PLCE1: variants seen among roughly 807,000 people sequenced by gnomAD.
The protein encoded by PLCE1 is phospholipase C epsilon 1.
PLCE1 carries 119 observed loss-of-function variants against 242.8 expected under a neutral mutation model. That is an observed-to-expected ratio of 0.49 (90% CI 0.42 to 0.57). The LOEUF (loss-of-function observed/expected upper bound fraction) is 0.57, where lower values mean the gene tolerates loss of function less well. Among genes scored for constraint, PLCE1 ranks in the 20% least tolerant of loss-of-function variants. PLCE1 has a pLI of 0.00. For missense variants in PLCE1, 2,441 were observed against 2,788.8 expected (o/e 0.88, Z 2.81); for synonymous variants, 945 against 1,017.4 (o/e 0.93, Z 1.35).
chr10:94,163,272 T>C (rs1341679989), intron 3 of PLCE1, among the ~76,000 whole-genome samples: 3 of 152,190 alleles, frequency 2.0e-5, no homozygotes, highest in Non-Finnish European at 2.9e-5. Flanking sequence ...AGTCTCCCAT[T>C]ATTATTGTGT....
At chr10:94,177,474 G>A (rs565016956) in intron 4 of PLCE1, among the ~76,000 whole-genome samples, 7 of 152,296 alleles carry the variant, frequency 4.6e-5, no homozygotes, top group African/African-American at 1.7e-4. Context: ...GCTTCATCCT[G>A]CTTTGCTTAG....
chr10:94,044,706 C>T (rs1043165342), intron 2 of PLCE1, among the ~76,000 whole-genome samples: 6 of 152,208 alleles, frequency 3.9e-5, no homozygotes, highest in Non-Finnish European at 8.8e-5. Flanking sequence ...CCACCTTCCT[C>T]GGCTAGATGC....
intron 4 of PLCE1, among the ~76,000 whole-genome samples, chr10:94,199,136 A>G (rs768941025): frequency 5.3e-5 from 8 of 152,344 alleles, no homozygotes; most frequent in Non-Finnish European, 7.3e-5. Context: ...TGAATCTACC[A>G]TAGTTTATTT....
chr10:94,093,720 T>C lies in PLCE1; in HGVS notation c.1207-38454T>C, dbSNP rs191161202. On this transcript the variant is annotated intron_variant, in intron 2 of 32. Transcript: ENST00000371380. ...GCCTAGGTCTGCAGCCCAGGTGCTC[T>C]GTTCTCTGCTTTACTGCAGGTGGCC... 7.9e-5 allele frequency among the ~76,000 whole-genome samples: 12 copies of C among 152,278 alleles called. No individual in the cohort carries two copies. In the East Asian group the frequency reaches 2.3e-3, roughly 29 times the overall value.
chr10:94,219,840 G>T (rs1207013902), intron 4 of PLCE1, among the ~76,000 whole-genome samples: 4 of 152,172 alleles, frequency 2.6e-5, no homozygotes, highest in Admixed American at 6.5e-5. Flanking sequence ...AAGCCAAAAA[G>T]AGATTTAGAG....
chr10:93,999,222 G>A (rs974735907), intron 1 of PLCE1, among the ~76,000 whole-genome samples: 1 of 152,160 alleles, frequency 6.6e-6, no homozygotes, highest in African/African-American at 2.4e-5. Flanking sequence ...TAAGAGCTTC[G>A]TACTAGGTAT....
chr10:94,144,162 T>G (rs948307603), intron 3 of PLCE1, among the ~76,000 whole-genome samples: 1 of 152,164 alleles, frequency 6.6e-6, no homozygotes, highest in East Asian at 1.9e-4. Context: ...AATCCTTAAC[T>G]AGGGTTGACC....
intron 1 of PLCE1, among the ~76,000 whole-genome samples, chr10:94,027,541 G>T (rs1191580739): frequency 1.3e-5 from 2 of 152,182 alleles, no homozygotes; most frequent in African/African-American, 4.8e-5. Flanking sequence ...AAGCTTCTTG[G>T]CTGGGCTTGG....
intron 2 of PLCE1, among the ~76,000 whole-genome samples, chr10:94,117,266 C>T (rs1260177252): frequency 6.6e-6 from 1 of 152,178 alleles, no homozygotes; most frequent in Non-Finnish European, 1.5e-5. Context: ...TGACAGAACC[C>T]TCCAGCTGAA....
intron 4 of PLCE1, among the ~76,000 whole-genome samples, chr10:94,192,715 C>T (rs985279310): frequency 3.9e-5 from 6 of 152,110 alleles, no homozygotes; most frequent in African/African-American, 1.2e-4. Context: ...ATTGCTGGGT[C>T]GAATAGTAGT....
Position 94,306,278 on chromosome 10 carries a change from A to G in PLCE1, c.5623-149A>G, listed in dbSNP as rs1011819679. 80 of 1,413,266 alleles carry G rather than the reference A, an allele frequency of 5.7e-5. No individual in the cohort carries two copies. Among genetic ancestry groups the G allele is most frequent in the Non-Finnish European group, 7.4e-5 (75 of 1,010,844 alleles). The allele number at this position is 1,413,266 out of a possible 1,614,324, so 87.5% of individuals were successfully genotyped here. On this transcript the variant is annotated intron_variant, in intron 25 of 32. Coordinates refer to ENST00000371380, the MANE Select transcript of PLCE1 (RefSeq NM_016341.4). The surrounding 1 kb of genome is among the most constrained non-coding windows in gnomAD (Gnocchi z 5.7). Reference sequence around the variant, plus strand: ...AGCCACCGCGCCCAGCCCTACAATCACTTACTTTTTAAACAGTTTTATTCA... The same window carrying G: ...AGCCACCGCGCCCAGCCCTACAATCGCTTACTTTTTAAACAGTTTTATTCA...
At chr10:94,219,768 C>T (rs143557937) in intron 4 of PLCE1, among the ~76,000 whole-genome samples, 228 of 152,088 alleles carry the variant, frequency 1.5e-3, no homozygotes, top group Middle Eastern at 0.014. Context: ...GGATAAGTGG[C>T]AGGTAACAGT....
Position 94,246,024 on chromosome 10 carries a change from G to A in PLCE1, c.2499G>A (p.Glu833=), listed in dbSNP as rs1309215155. 1.9e-6 allele frequency: 3 copies of A among 1,614,090 alleles called. No homozygotes were observed. Among genetic ancestry groups the A allele is most frequent in the Non-Finnish European group, 2.5e-6 (3 of 1,179,990 alleles). The stretch of plus-strand genomic sequence containing the variant: ...AAGAATACGACTCTCATGGTTCAGA[G>A]GACTCACAGAAGGCCTTCGACCATG... ...QSKEYDSHGS[E]DSQKAFDHGT... Residue 833 remains glutamate, a synonymous_variant, in exon 8 of 33, where the codon GAG becomes GAA. Transcript: ENST00000371380.
At chr10:94,106,912 T>TTCTCTTTCTCTCTCTCTCTC (rs1392359262) in intron 2 of PLCE1, among the ~76,000 whole-genome samples, 39 of 38,776 alleles carry the variant, frequency 1.0e-3, no homozygotes, top group Non-Finnish European at 1.4e-3. Context: ...TGTCTCTTGT[T>TTCTCTTTCTCTCTCTCTCTC]TCTCTCTCTC....
intron 1 of PLCE1, among the ~76,000 whole-genome samples, chr10:94,029,215 C>T (rs750815891): frequency 7.2e-5 from 11 of 152,190 alleles, no homozygotes; most frequent in East Asian, 1.9e-4. Context: ...AATTGCTTAC[C>T]TCATGGGTAA....
chr10:94,002,657 C>T (rs1458950147), intron 1 of PLCE1, among the ~76,000 whole-genome samples: 2 of 152,086 alleles, frequency 1.3e-5, no homozygotes, highest in Admixed American at 1.3e-4. Flanking sequence ...TTATCCAATA[C>T]TTACAATTGA....
At chr10:94,179,528 T>TG (rs1351770909) in intron 4 of PLCE1, among the ~76,000 whole-genome samples, 934 of 81,104 alleles carry the variant, frequency 0.012, 17 homozygotes, top group Non-Finnish European at 0.02. Context: ...TTTTTTTTTT[T>TG]TTGACAGGGT....
At chr10:94,075,218 G>C (rs973718873) in intron 2 of PLCE1, among the ~76,000 whole-genome samples, 1 of 152,150 alleles carries the variant, frequency 6.6e-6, no homozygotes, top group East Asian at 1.9e-4. Context: ...TAGTTAGTCA[G>C]GGATGTGCCC....
chr10:94,327,964 A>G lies in PLCE1; in HGVS notation c.*25-4A>G. ...CTAATAAGCCTCTGTATACAACATT[A>G]CAGGTGAAGATCTTTAAGCAAGAAG... On this transcript the variant is annotated splice_polypyrimidine_tract_variant and splice_region_variant and intron_variant, in intron 32 of 32. Coordinates refer to ENST00000371380, the MANE Select transcript of PLCE1 (RefSeq NM_016341.4). 1.9e-6 allele frequency: 1 copy of G among 532,666 alleles called. No individual in the cohort carries two copies. 33.0% of individuals were successfully genotyped at this position (532,666 alleles called of 1,614,324 possible). A position where few individuals can be genotyped will look rare whatever the true frequency, so the allele number is the denominator to read the frequency against.
Sources: gnomAD v4.1 joint callset for allele counts (sites outside exome capture counted in the v4.1 genomes callset) on GRCh38, gnomAD v4.1.1 for gene constraint, Gnocchi (gnomAD v3.1) non-coding constraint, MANE v1.5 for transcripts, NCBI Gene and HGNC (gene_info 2026-07-23, HGNC 2026-07-21) for gene names.